The following PDE8A variants were observed in gnomAD, a reference collection of about 807,000 sequenced individuals.
PDE8A encodes high affinity cAMP-specific and IBMX-insensitive 3',5'-cyclic phosphodiesterase 8A.
A neutral mutation model predicts 105.0 loss-of-function variants in PDE8A; 59 were observed. That is an observed-to-expected ratio of 0.56 (90% confidence interval 0.46 to 0.70). The LOEUF (loss-of-function observed/expected upper bound fraction) is 0.70. Among genes scored for constraint, PDE8A ranks in the 30% least tolerant of loss-of-function variants. The pLI is 0.00. For missense variants in PDE8A, 1,014 were observed against 1,045.9 expected (o/e 0.97, Z 0.42); for synonymous variants, 355 against 371.9 (o/e 0.95, Z 0.52).
Position 84,982,124 on chromosome 15 carries a change from G to A in PDE8A, c.-39G>A. 1.6e-6 allele frequency: 2 copies of A among 1,249,052 alleles called. No homozygotes were observed. Among genetic ancestry groups the A allele is most frequent in the Non-Finnish European group, 2.0e-6 (2 of 995,934 alleles). The allele number at this position is 1,249,052 out of a possible 1,614,324, so 77.4% of individuals were successfully genotyped here. ...GGGTGGGCCGTTTGCTGACCGGATC[G>A]CGGCTACCCGCCAGCGTGTCCGCGG... On this transcript the variant is annotated 5_prime_UTR_variant, in exon 1 of 22. Transcript: ENST00000394553.
intron 1 of PDE8A, among the ~76,000 whole-genome samples, chr15:85,027,995 T>C (rs1178351802): frequency 6.6e-6 from 1 of 152,216 alleles, no homozygotes; most frequent in Non-Finnish European, 1.5e-5. Context: ...ATAGAGATAG[T>C]ATTTGAACGC....
chr15:85,060,260 T>A (rs1172657417), intron 1 of PDE8A, among the ~76,000 whole-genome samples: 1 of 152,184 alleles, frequency 6.6e-6, no homozygotes, highest in Non-Finnish European at 1.5e-5. Context: ...AAATATTTAA[T>A]TTGAATTATG....
At chr15:85,029,416 C>CTTTTT (rs34741081) in intron 1 of PDE8A, among the ~76,000 whole-genome samples, 7 of 139,706 alleles carry the variant, frequency 5.0e-5, no homozygotes, top group Non-Finnish European at 7.6e-5. Flanking sequence ...CCTCACGGGT[C>CTTTTT]TTTTTTTTTT....
At chr15:85,019,579 G>GT (rs908387753) in intron 1 of PDE8A, among the ~76,000 whole-genome samples, 9 of 151,462 alleles carry the variant, frequency 5.9e-5, no homozygotes, top group Non-Finnish European at 1.0e-4. Context: ...TTTTTGTGGG[G>GT]TTTTTTTTGT....
At chr15:85,046,341 G>A (rs972174408) in intron 1 of PDE8A, among the ~76,000 whole-genome samples, 17 of 152,038 alleles carry the variant, frequency 1.1e-4, no homozygotes, top group African/African-American at 3.6e-4. Flanking sequence ...GAGGCACCAC[G>A]CCCAGCCATT....
rs147475422 is a variant in PDE8A, at chr15:85,002,048, C to T, written c.186+19700C>T. On this transcript the variant is annotated intron_variant, in intron 1 of 21. Coordinates refer to ENST00000394553, the MANE Select transcript of PDE8A (RefSeq NM_002605.3). ...TGAATTCCTGGCCTCAAGTGATCCTCCTGCATTGGCCTCCTAAAAAACTCC... is the reference window on the plus strand; with the variant it reads ...TGAATTCCTGGCCTCAAGTGATCCTTCTGCATTGGCCTCCTAAAAAACTCC... Among the ~76,000 whole-genome samples the T allele has an allele frequency of 2.1e-4, 32 of 152,102 alleles. No individual in the cohort carries two copies. The East Asian group carries it at 6.0e-3, about 28-fold the overall frequency.
In PDE8A at chr15:85,136,784, C is replaced by T. The variant is rs1037219567; in HGVS notation, c.2383+121C>T. The T allele has an allele frequency of 1.8e-4, 173 of 958,440 alleles. No homozygotes were observed. The African/African-American group carries it at 2.6e-3, about 14-fold the overall frequency. The allele number at this position is 958,440 out of a possible 1,614,324, so 59.4% of individuals were successfully genotyped here. On this transcript the variant is annotated intron_variant, in intron 21 of 21. Transcript: ENST00000394553. ...GGGCCTGGGCTTTCAAGAACAAGAG[C>T]GAAGTGAACCATCACCGAGGGCCCC...
chr15:85,009,678 T>C (rs970732982), intron 1 of PDE8A, among the ~76,000 whole-genome samples: 14 of 152,332 alleles, frequency 9.2e-5, no homozygotes, highest in African/African-American at 3.4e-4. Flanking sequence ...TGTCACATGC[T>C]GTTAGCAGGA....
At chr15:85,028,109 A>T (rs1461417329) in intron 1 of PDE8A, among the ~76,000 whole-genome samples, 2 of 152,224 alleles carry the variant, frequency 1.3e-5, no homozygotes, top group Non-Finnish European at 2.9e-5. Flanking sequence ...AAAATTTTTT[A>T]AAAATCTTTT....
intron 19 of PDE8A, 144 bp downstream of exon 19, chr15:85,123,337 T>TACACACACACACACACACACACACACAC (rs58421452): frequency 7.0e-5 from 23 of 330,424 alleles, no homozygotes; most frequent in African/African-American, 2.5e-4. Context: ...ACTAATGGGA[T>TACACACACACACACACACACACACACAC]ACACACACAC....
intron 1 of PDE8A, among the ~76,000 whole-genome samples, chr15:85,049,397 A>G (rs965327335): frequency 7.9e-5 from 12 of 152,110 alleles, no homozygotes; most frequent in African/African-American, 2.7e-4. Context: ...CTTTCTCTCT[A>G]TATATTTTGA....
At chr15:85,012,201 T>C (rs950711878) in intron 1 of PDE8A, among the ~76,000 whole-genome samples, 1 of 152,178 alleles carries the variant, frequency 6.6e-6, no homozygotes, top group Non-Finnish European at 1.5e-5. Context: ...TTACTGGGTG[T>C]ATACCCAAAG....
At chr15:85,061,897 T>C (rs1374095700) in intron 1 of PDE8A, among the ~76,000 whole-genome samples, 2 of 152,208 alleles carry the variant, frequency 1.3e-5, no homozygotes, top group Non-Finnish European at 2.9e-5. Flanking sequence ...CTTTAGTGAA[T>C]TTTTCATTCC....
chr15:85,031,918 C>T (rs1325593290), intron 1 of PDE8A, among the ~76,000 whole-genome samples: 1 of 152,120 alleles, frequency 6.6e-6, no homozygotes, highest in African/African-American at 2.4e-5. Context: ...TGCAGGTTAC[C>T]CTCAGACACT....
At chr15:85,020,621 A>G (rs1284603403) in intron 1 of PDE8A, among the ~76,000 whole-genome samples, 1 of 152,168 alleles carries the variant, frequency 6.6e-6, no homozygotes, top group African/African-American at 2.4e-5. Context: ...AACAACAACA[A>G]AAAGTTTTTT....
rs558649479 is a variant in PDE8A at position 85,073,381 on chromosome 15, A to G, written c.435-2481A>G. On this transcript the variant is annotated intron_variant, in intron 3 of 21. Coordinates refer to ENST00000394553, the MANE Select transcript of PDE8A (RefSeq NM_002605.3). Reference sequence around the variant, plus strand: ...CATATGCACCAGAAAAGGTCCCAGTATGTCTCTACCTTTTTATACAGTTTT... The same window carrying G: ...CATATGCACCAGAAAAGGTCCCAGTGTGTCTCTACCTTTTTATACAGTTTT... Among the ~76,000 whole-genome samples, 74 of 152,306 alleles carry G rather than the reference A, an allele frequency of 4.9e-4. 1 individual carries two copies. The South Asian group carries it at 0.015, about 31-fold the overall frequency.
chr15:85,079,620 G>A (rs1324838345), intron 5 of PDE8A, among the ~76,000 whole-genome samples: 2 of 152,158 alleles, frequency 1.3e-5, no homozygotes, highest in African/African-American at 4.8e-5. Context: ...CAGATAGAAA[G>A]AATAGAAGCA....
intron 12 of PDE8A, among the ~76,000 whole-genome samples, chr15:85,112,574 C>T (rs2082036370): frequency 1.3e-5 from 2 of 152,082 alleles, no homozygotes; most frequent in Non-Finnish European, 2.9e-5. Context: ...TTTGAGACCC[C>T]CTGAATTGGT....
At chr15:85,093,337 G>T (rs575311915) in intron 8 of PDE8A, among the ~76,000 whole-genome samples, 1 of 152,184 alleles carries the variant, frequency 6.6e-6, no homozygotes, top group Non-Finnish European at 1.5e-5. Flanking sequence ...AGGGCAGGCC[G>T]CTGAGCTGGC....
Sources: allele counts gnomAD v4.1 joint callset (sites outside exome capture counted in the v4.1 genomes callset), GRCh38; gene constraint gnomAD v4.1.1; transcripts MANE v1.5; gene names NCBI Gene and HGNC (gene_info 2026-07-23, HGNC 2026-07-21).